Variants in KLF8 observed in about 807,000 individuals in gnomAD.
The protein encoded by KLF8 is Krueppel-like factor 8.
A neutral mutation model predicts 18.2 loss-of-function variants in KLF8; 10 were observed. The ratio of observed to expected loss-of-function variants is 0.55; its 90% CI spans 0.34 to 0.93. KLF8 has a LOEUF of 0.93. Among genes scored for constraint, KLF8 ranks in the 40% least tolerant of loss-of-function variants. The pLI is 0.02. For missense variants in KLF8, 264 were observed against 277.9 expected (o/e 0.95, Z 0.36); for synonymous variants, 109 against 97.3 (o/e 1.12, Z -0.71).
chrX:56,067,762 T>G, the KLF8 span, among the ~76,000 whole-genome samples: 1 of 112,162 alleles, frequency 8.9e-6, no homozygotes. Context: ...CTTCTAAGAC[T>G]GAGGCAGAAA....
At chrX:55,965,470 G>T in the KLF8 span, among the ~76,000 whole-genome samples, 1 of 111,325 alleles carries the variant, frequency 9.0e-6, no homozygotes, top group African/African-American at 3.3e-5. Flanking sequence ...CCTAAGAATT[G>T]GAGTAAAACA....
the KLF8 span, among the ~76,000 whole-genome samples, chrX:56,148,037 T>A: frequency 1.8e-5 from 2 of 112,077 alleles, no homozygotes; most frequent in African/African-American, 6.5e-5. Flanking sequence ...GTACTAAATG[T>A]CACTCTAATT....
the KLF8 span, among the ~76,000 whole-genome samples, chrX:56,102,336 CT>C: frequency 9.0e-6 from 1 of 111,328 alleles, no homozygotes; most frequent in Non-Finnish European, 1.9e-5. Context: ...CAGTACCATG[CT>C]ATTTTGGTTA....
the KLF8 span, among the ~76,000 whole-genome samples, chrX:56,174,712 AATCTATCTGGTCTTGGCCTT>A: frequency 5.4e-5 from 6 of 111,154 alleles, no homozygotes; most frequent in African/African-American, 2.0e-4. Flanking sequence ...TTCGGCTGTG[AATCTATCTGGTCTTGGCCTT>A]TTTTTGGTTG....
chrX:56,061,287 C>G, the KLF8 span, among the ~76,000 whole-genome samples: 1 of 111,968 alleles, frequency 8.9e-6, no homozygotes, highest in Non-Finnish European at 1.9e-5. Context: ...TTCCTGCTTT[C>G]TCCTGTGGAC....
the KLF8 span, among the ~76,000 whole-genome samples, chrX:56,177,927 G>A: frequency 2.2e-4 from 25 of 112,066 alleles, no homozygotes; most frequent in African/African-American, 7.4e-4. Context: ...CTCCTGGTGT[G>A]CTGTTTACTA....
In KLF8 at chrX:56,289,724, C is replaced by T. The variant is rs1460933495; in HGVS notation, c.*5230C>T. Among the ~76,000 whole-genome samples, 2 of 111,550 alleles carry T rather than the reference C, an allele frequency of 1.8e-5. No homozygotes were observed. The highest frequency in any genetic ancestry group is 3.8e-5 in the Non-Finnish European group (2 of 53,163). On this transcript the variant is annotated 3_prime_UTR_variant, in exon 6 of 6. Coordinates refer to ENST00000468660, the MANE Select transcript of KLF8 (RefSeq NM_007250.5). ...TTTCAAATTCAGTGTGCACATATAG[C>T]AGTATCTGAATTGTTAACCTGTATA...
chrX:56,091,936 G>A, the KLF8 span, among the ~76,000 whole-genome samples: 1 of 106,894 alleles, frequency 9.4e-6, no homozygotes, highest in African/African-American at 3.4e-5. Flanking sequence ...CACCAACAGT[G>A]TATAAGTATT....
the KLF8 span, among the ~76,000 whole-genome samples, chrX:55,951,543 G>A: frequency 8.2e-5 from 9 of 109,384 alleles, no homozygotes; most frequent in East Asian, 2.9e-4. Flanking sequence ...ATGGGGATAC[G>A]CAAAGCTCCA....
chrX:56,172,010 T>C, the KLF8 span, among the ~76,000 whole-genome samples: 1 of 111,837 alleles, frequency 8.9e-6, no homozygotes, highest in East Asian at 2.8e-4. Context: ...GCATTCCTAT[T>C]TCTCCACATC....
chrX:55,931,579 C>T, the KLF8 span, among the ~76,000 whole-genome samples: 3 of 111,430 alleles, frequency 2.7e-5, no homozygotes, highest in African/African-American at 6.5e-5. Context: ...TGGCTTTGTT[C>T]GTATTAGTTT....
At chrX:56,130,639 G>A in the KLF8 span, among the ~76,000 whole-genome samples, 23 of 111,091 alleles carry the variant, frequency 2.1e-4, no homozygotes, top group African/African-American at 7.2e-4. Flanking sequence ...ACCAGCAATG[G>A]ATCCAAGCCA....
At chrX:56,182,329 T>A in the KLF8 span, among the ~76,000 whole-genome samples, 1 of 112,421 alleles carries the variant, frequency 8.9e-6, no homozygotes, top group Non-Finnish European at 1.9e-5. Context: ...TTTAAGGTCT[T>A]CTCTATACTG....
the KLF8 span, among the ~76,000 whole-genome samples, chrX:56,178,190 G>A: frequency 2.7e-5 from 3 of 112,314 alleles, no homozygotes; most frequent in Middle Eastern, 4.6e-3. Context: ...CTTCTGCTTC[G>A]CTCACGCTGG....
the KLF8 span, among the ~76,000 whole-genome samples, chrX:55,996,776 C>T: frequency 8.9e-6 from 1 of 111,941 alleles, no homozygotes; most frequent in Non-Finnish European, 1.9e-5. Context: ...CAAGAGCACT[C>T]CAGTGGAGGG....
the KLF8 span, among the ~76,000 whole-genome samples, chrX:56,154,589 A>C: frequency 4.4e-4 from 49 of 112,111 alleles, no homozygotes; most frequent in African/African-American, 1.2e-3. Context: ...GCAACAAAAG[A>C]CAAAATTGAC....
the KLF8 span, among the ~76,000 whole-genome samples, chrX:56,107,527 C>T: frequency 0.077 from 8,644 of 111,632 alleles, 812 homozygotes; most frequent in African/African-American, 0.27. Flanking sequence ...CCGCCAAGCC[C>T]GGCACTGGAG....
chrX:56,214,426 C>G, the KLF8 span, among the ~76,000 whole-genome samples: 1 of 112,126 alleles, frequency 8.9e-6, no homozygotes, highest in Admixed American at 9.4e-5. Flanking sequence ...TGTCACACCC[C>G]TGCCTCAAAT....
chrX:56,248,226 T>C (rs1452847857), intron 1 of KLF8, among the ~76,000 whole-genome samples: 1 of 109,921 alleles, frequency 9.1e-6, no homozygotes, highest in Non-Finnish European at 1.9e-5. Flanking sequence ...AGTTAATGGG[T>C]GCAGCACACC....
Sources: allele counts gnomAD v4.1 joint callset (sites outside exome capture counted in the v4.1 genomes callset), GRCh38; gene constraint gnomAD v4.1.1; transcripts MANE v1.5; gene names NCBI Gene and HGNC (gene_info 2026-07-23, HGNC 2026-07-21).